TTLL6: variants seen among roughly 807,000 people sequenced by gnomAD.
The protein encoded by TTLL6 is tubulin polyglutamylase TTLL6.
Under a neutral mutation model 96.4 loss-of-function variants are expected in TTLL6, and 75 were observed. The ratio of observed to expected loss-of-function variants is 0.78; its 90% CI spans 0.65 to 0.94. The LOEUF is 0.94. TTLL6 is among the 40% of genes least tolerant of loss of function. The pLI is 0.00. For missense variants in TTLL6, 1,030 were observed against 1,093.0 expected (o/e 0.94, Z 0.81); for synonymous variants, 411 against 419.4 (o/e 0.98, Z 0.24).
intron 5 of TTLL6, 25 bp downstream of exon 5, chr17:48,801,230 G>C (rs1266140237): frequency 1.9e-6 from 3 of 1,545,422 alleles, no homozygotes; most frequent in South Asian, 2.4e-5. Flanking sequence ...AGTGGAGAAG[G>C]AAGTACAGGG....
rs559538385 is a variant in TTLL6 at position 48,769,352 on chromosome 17, A to G, written c.2411-98T>C. On this transcript the variant is annotated intron_variant, in intron 14 of 15. Transcript: ENST00000393382. ...CTCCCAGTAGGGTCCCATGGCCTGT[A>G]ACTGCCATTCAAAGCTCTTTGAGCC... is the stretch of plus-strand genomic sequence containing the variant. 2.9e-4 allele frequency: 408 copies of G among 1,399,012 alleles called. 1 individual carries two copies. The highest frequency in any genetic ancestry group is 1.3e-3 in the Middle Eastern group (5 of 3,796). The allele number at this position is 1,399,012 out of a possible 1,614,324, so 86.7% of individuals were successfully genotyped here. A position where few individuals can be genotyped will look rare whatever the true frequency, so the allele number is the denominator to read the frequency against.
intron 7 of TTLL6, 108 bp downstream of exon 7, chr17:48,796,953 T>C (rs1368698301): frequency 7.0e-6 from 9 of 1,292,750 alleles, no homozygotes; most frequent in African/African-American, 6.0e-5. Flanking sequence ...TAGCAAGTGC[T>C]CAACAAATGA....
chr17:48,810,962 G>A (rs1215096772), intron 1 of TTLL6, among the ~76,000 whole-genome samples: 3 of 149,000 alleles, frequency 2.0e-5, no homozygotes, highest in Non-Finnish European at 3.0e-5. Flanking sequence ...CCAGAGCTCA[G>A]TAATGCCTCC....
In TTLL6 at chr17:48,803,913, T is replaced by C; in HGVS notation, c.339A>G (p.Leu113=). 6.4e-7 allele frequency: 1 copy of C among 1,552,014 alleles called. No individual in the cohort carries two copies. The highest frequency in any genetic ancestry group is 8.7e-7 in the Non-Finnish European group (1 of 1,147,068). ...KRKKKRLVIN[L]SSCRYESVRR... Reference sequence around the variant, plus strand: ...CACCACTCTCATACCGGCAGCTGGATAGATTGATCACCAATCATCTGGAAA... The same window carrying C: ...CACCACTCTCATACCGGCAGCTGGACAGATTGATCACCAATCATCTGGAAA... Residue 113 remains leucine (L), a synonymous_variant, in exon 3 of 16, where the codon CTA becomes CTG. Coordinates refer to ENST00000393382, the MANE Select transcript of TTLL6 (RefSeq NM_001130918.3).
At chr17:48,816,685 G>A (rs2039671581) in intron 1 of TTLL6, among the ~76,000 whole-genome samples, 1 of 152,172 alleles carries the variant, frequency 6.6e-6, no homozygotes, top group African/African-American at 2.4e-5. Context: ...CCCAGGGATC[G>A]CTGGTGTCTA....
chr17:48,810,013 C>A (rs2039555722), intron 1 of TTLL6, among the ~76,000 whole-genome samples: 1 of 151,872 alleles, frequency 6.6e-6, no homozygotes, highest in Non-Finnish European at 1.5e-5. Context: ...GTGGTGCATG[C>A]CTGTAATCCC....
intron 5 of TTLL6, chr17:48,800,039 C>A: frequency 2.5e-6 from 1 of 401,070 alleles, no homozygotes; most frequent in Non-Finnish European, 4.6e-6. Flanking sequence ...TCAACTTCAT[C>A]ATCTATACAG....
intron 13 of TTLL6, among the ~76,000 whole-genome samples, chr17:48,782,815 G>C (rs1043993020): frequency 2.6e-5 from 4 of 152,128 alleles, no homozygotes; most frequent in Non-Finnish European, 5.9e-5. Context: ...CTGGGTTCAA[G>C]TGATTCTTCC....
intron 7 of TTLL6, among the ~76,000 whole-genome samples, chr17:48,796,736 G>T (rs181684385): frequency 5.2e-4 from 79 of 152,140 alleles, no homozygotes; most frequent in Middle Eastern, 3.4e-3. Context: ...GCTCATCCAC[G>T]GCCTTTTCTC....
intron 6 of TTLL6, among the ~76,000 whole-genome samples, chr17:48,797,616 G>A (rs992840000): frequency 6.6e-6 from 1 of 151,076 alleles, no homozygotes; most frequent in African/African-American, 2.4e-5. Context: ...GCAAAACCCC[G>A]TCTGTACTAA....
At chr17:48,783,437 GTTTTT>G (rs55869780) in intron 13 of TTLL6, among the ~76,000 whole-genome samples, 1 of 145,786 alleles carries the variant, frequency 6.9e-6, no homozygotes, top group African/African-American at 2.5e-5. Context: ...AAAAAATATT[GTTTTT>G]TTTTTTTTAG....
rs528420028 is a variant in TTLL6 at position 48,789,768 on chromosome 17, C to A, written c.1400+163G>T. ...GACGGGGTTTCACCATGTTGGCCAG[C>A]CTGGTCTCGAACTCCTGACCTCAGG... On this transcript the variant is annotated intron_variant, in intron 10 of 15. Transcript: ENST00000393382. Among the ~76,000 whole-genome samples the A allele has an allele frequency of 3.9e-5, 6 of 152,016 alleles. No homozygotes were observed. In the East Asian group the frequency reaches 1.2e-3, roughly 29 times the overall value.
intron 13 of TTLL6, among the ~76,000 whole-genome samples, chr17:48,775,796 C>G (rs1487044958): frequency 2.0e-5 from 3 of 152,108 alleles, no homozygotes. Context: ...CCACCTTGGC[C>G]TCCCAACGTG....
Position 48,787,855 on chromosome 17 carries a change from G to A in TTLL6, c.1545C>T (p.Leu515=), listed in dbSNP as rs200150437. ...YEKFFQDNNS[L]FQNTVASRAR... ...CCCTGGAAGCAACAGTATTCTGGAA[G>A]AGGGAGTTGTTGTCCTGGAAAAACT... The change falls in exon 11 of 16, where the codon CTC becomes CTT. Residue 515 remains leucine, a synonymous_variant. Transcript: ENST00000393382. 82 of 1,614,132 alleles carry A rather than the reference G, an allele frequency of 5.1e-5. No individual in the cohort carries two copies. The highest frequency in any genetic ancestry group is 2.5e-5 in the Non-Finnish European group (29 of 1,180,052).
Position 48,785,026 on chromosome 17 carries a change from C to T in TTLL6, c.1937G>A (p.Arg646Lys), listed in dbSNP as rs1220885481. ...AKPFSSLPDL[R>K]NINLSSSKLE... ...CTTCGAGCTGCTGAGATTGATATTC[C>T]TCAGATCGGGTAGAGAACTGAAGGG... Residue 646 changes from arginine to lysine, a missense_variant, in exon 13 of 16, where the codon AGG (arginine) becomes AAG (lysine). By Grantham distance (26) the Arg-to-Lys change is conservative. Coordinates refer to ENST00000393382, the MANE Select transcript of TTLL6 (RefSeq NM_001130918.3). The T allele has an allele frequency of 6.2e-7, 1 of 1,614,110 alleles. No homozygotes were observed. Among genetic ancestry groups the T allele is most frequent in the Non-Finnish European group, 8.5e-7 (1 of 1,179,978 alleles).
At chr17:48,778,911 C>A (rs1365558372) in intron 13 of TTLL6, among the ~76,000 whole-genome samples, 1 of 140,742 alleles carries the variant, frequency 7.1e-6, no homozygotes, top group African/African-American at 2.7e-5. Flanking sequence ...GCCTGGGTAA[C>A]AGAGTGAGAC....
chr17:48,777,050 C>CACA (rs1416560696), intron 13 of TTLL6, among the ~76,000 whole-genome samples: 4 of 93,782 alleles, frequency 4.3e-5, no homozygotes, highest in African/African-American at 8.0e-5. Context: ...ACACACACAC[C>CACA]CCTAAAAAAT....
At chr17:48,810,045 A>C (rs1254984893) in intron 1 of TTLL6, among the ~76,000 whole-genome samples, 1 of 149,536 alleles carries the variant, frequency 6.7e-6, no homozygotes, top group East Asian at 2.1e-4. Context: ...AGGCTGAGGC[A>C]GGAGAATTGC....
At chr17:48,814,216 G>T (rs1427365220) in intron 1 of TTLL6, among the ~76,000 whole-genome samples, 1 of 151,510 alleles carries the variant, frequency 6.6e-6, no homozygotes, top group African/African-American at 2.4e-5. Flanking sequence ...CTACTCGGTA[G>T]GCTGGGGCAG....
Sources: allele counts gnomAD v4.1 joint callset (sites outside exome capture counted in the v4.1 genomes callset), GRCh38; gene constraint gnomAD v4.1.1; transcripts MANE v1.5; gene names NCBI Gene and HGNC (gene_info 2026-07-23, HGNC 2026-07-21).